The following METTL16 variants were observed in gnomAD, a reference collection of about 807,000 sequenced individuals.
METTL16 encodes RNA N(6)-adenosine-methyltransferase METTL16.
In METTL16, 19 loss-of-function variants were observed where a neutral mutation model predicts 57.9. The observed-to-expected ratio is 0.33, with a 90% CI of 0.23 to 0.48. METTL16 has a LOEUF of 0.48. Among genes scored for constraint, METTL16 ranks in the 20% least tolerant of loss-of-function variants. METTL16 has a pLI of 0.99. For missense variants in METTL16, 434 were observed against 691.5 expected (o/e 0.63, Z 4.18); for synonymous variants, 246 against 255.6 (o/e 0.96, Z 0.36).
chr17:2,417,933 T>C lies in METTL16; in HGVS notation c.*2037A>G, dbSNP rs772481928. On this transcript the variant is annotated 3_prime_UTR_variant, in exon 10 of 10. Coordinates refer to ENST00000263092, the MANE Select transcript of METTL16 (RefSeq NM_024086.4). ...TAAAATTATACCAAGGAAACTAGGTTTGGGCCCAGCAAATGACTCAAATGT... is the reference window on the plus strand; with the variant it reads ...TAAAATTATACCAAGGAAACTAGGTCTGGGCCCAGCAAATGACTCAAATGT... The C allele has an allele frequency of 3.3e-5, 5 of 152,158 alleles. No homozygotes were observed. The highest frequency in any genetic ancestry group is 5.9e-5 in the Non-Finnish European group (4 of 68,022). 9.4% of individuals were successfully genotyped at this position (152,158 alleles called of 1,614,324 possible).
At chr17:2,490,090 A>G (rs2067375183) in intron 2 of METTL16, among the ~76,000 whole-genome samples, 1 of 152,222 alleles carries the variant, frequency 6.6e-6, no homozygotes, top group South Asian at 2.1e-4. Context: ...AAAACAAAAC[A>G]AAAAGACCCT....
At chr17:2,426,457 G>A (rs2066819069) in intron 8 of METTL16, among the ~76,000 whole-genome samples, 1 of 152,088 alleles carries the variant, frequency 6.6e-6, no homozygotes, top group African/African-American at 2.4e-5. Flanking sequence ...GCAGCCGGGT[G>A]CCATGGCTCA....
chr17:2,420,870 G>A lies in METTL16; in HGVS notation c.923C>T (p.Pro308Leu), dbSNP rs1309640178. 9.9e-6 allele frequency: 16 copies of A among 1,613,670 alleles called. No individual in the cohort carries two copies. In the East Asian group the frequency reaches 1.8e-4, roughly 18 times the overall value. ...PPSKRRKLEKPRKPITFVVLA... is the reference protein window; with the variant it reads ...PPSKRRKLEKLRKPITFVVLA... The stretch of plus-strand genomic sequence containing the variant: ...CACCACGAATGTTATGGGTTTTCTC[G>A]GTTTCTCTAATTTTCTTCGCTTACT... The change falls in exon 9 of 10, where the codon CCG (proline) becomes CTG (leucine). Residue 308 changes from proline (P) to leucine (L), a missense_variant. Physicochemically the swap from Pro to Leu is moderately conservative, Grantham distance 98 (BLOSUM62 -3). Around this residue, in one of 5 missense-constraint regions of METTL16, gnomAD observed 96 missense variants for 138.3 expected, o/e 0.69. Transcript: ENST00000263092. The surrounding 1 kb of genome is among the most constrained non-coding windows in gnomAD (Gnocchi z 5.4).
At chr17:2,428,975 C>A (rs1597438656) in intron 8 of METTL16, among the ~76,000 whole-genome samples, 1 of 152,196 alleles carries the variant, frequency 6.6e-6, no homozygotes, top group East Asian at 1.9e-4. Flanking sequence ...TCTCCCGCCT[C>A]AGCCTCCCGA....
intron 6 of METTL16, chr17:2,460,428 A>C (rs1425864259): frequency 6.6e-6 from 1 of 152,216 alleles, no homozygotes; most frequent in Non-Finnish European, 1.5e-5. Flanking sequence ...TCTACCCCTT[A>C]GAATGGTGTT....
At chr17:2,448,773 T>TA (rs1391105641) in intron 6 of METTL16, among the ~76,000 whole-genome samples, 1 of 29,602 alleles carries the variant, frequency 3.4e-5, no homozygotes, top group African/African-American at 1.4e-4. Flanking sequence ...AAATAAAAAA[T>TA]AAAAAAATAA....
chr17:2,429,756 C>T (rs1192944804), intron 8 of METTL16, among the ~76,000 whole-genome samples: 1 of 151,820 alleles, frequency 6.6e-6, no homozygotes, highest in Non-Finnish European at 1.5e-5. Context: ...TCTTGCTCCC[C>T]CTCCCCAATC....
rs769070497 is a variant in METTL16, at chr17:2,464,214, CTTTT to C, written c.718_721del (p.Lys240AspfsTer2). Reference sequence around the variant, plus strand: ...GTTGTAAAAACAGACTTACCTTAATCTTTTTTTAAGTTGTAGACTGTCATGGATG... The same window carrying C: ...GTTGTAAAAACAGACTTACCTTAATCTTTAAGTTGTAGACTGTCATGGATG... On this transcript the variant is annotated frameshift_variant, in exon 6 of 10. Transcript: ENST00000263092. LOFTEE classifies it high-confidence loss of function. 6.2e-7 allele frequency: 1 copy of C among 1,610,094 alleles called. No individual in the cohort carries two copies. The highest frequency in any genetic ancestry group is 8.5e-7 in the Non-Finnish European group (1 of 1,178,816).
chr17:2,473,446 A>G (rs1160378114), intron 4 of METTL16, 78 bp downstream of exon 4: 2 of 1,474,182 alleles, frequency 1.4e-6, no homozygotes, highest in African/African-American at 2.8e-5. Flanking sequence ...GTATTAAAGA[A>G]AAAGGTAATG....
At chr17:2,454,916 CTATT>C (rs949034938) in intron 6 of METTL16, among the ~76,000 whole-genome samples, 11 of 151,392 alleles carry the variant, frequency 7.3e-5, no homozygotes, top group African/African-American at 1.9e-4. Flanking sequence ...ATTTGTTATC[CTATT>C]TATTTATTTA....
chr17:2,500,934 T>C (rs897054014), intron 2 of METTL16, among the ~76,000 whole-genome samples: 6 of 151,740 alleles, frequency 4.0e-5, no homozygotes, highest in Non-Finnish European at 5.9e-5. Context: ...CTGGCCAACA[T>C]GGTGAAACTC....
chr17:2,437,684 TG>T (rs985137581), intron 8 of METTL16, among the ~76,000 whole-genome samples: 7 of 152,314 alleles, frequency 4.6e-5, no homozygotes, highest in Admixed American at 1.3e-4. Flanking sequence ...CCCGAGTAGC[TG>T]GGACTACAGG....
intron 8 of METTL16, among the ~76,000 whole-genome samples, chr17:2,424,923 CG>C (rs1238187476): frequency 6.7e-6 from 1 of 149,890 alleles, no homozygotes; most frequent in African/African-American, 2.5e-5. Flanking sequence ...ACTCCAGCCT[CG>C]GTGACAGAGC....
intron 6 of METTL16, among the ~76,000 whole-genome samples, chr17:2,462,331 G>A (rs2067155713): frequency 6.6e-6 from 1 of 152,196 alleles, no homozygotes; most frequent in Non-Finnish European, 1.5e-5. Flanking sequence ...AGGAAGGAGA[G>A]AATAGGAGGG....
chr17:2,465,875 C>A (rs1261588807), intron 5 of METTL16, among the ~76,000 whole-genome samples: 1 of 149,666 alleles, frequency 6.7e-6, no homozygotes. Flanking sequence ...CCCACACCCC[C>A]CGACCTCAAA....
At chr17:2,465,117 AT>A (rs1199474081) in intron 5 of METTL16, among the ~76,000 whole-genome samples, 1 of 152,232 alleles carries the variant, frequency 6.6e-6, no homozygotes, top group Non-Finnish European at 1.5e-5. Flanking sequence ...ATGAATAAGC[AT>A]TTCTCCAAAG....
chr17:2,491,602 A>G (rs2044169), intron 2 of METTL16, among the ~76,000 whole-genome samples: 97,328 of 151,824 alleles, frequency 0.64, 31,664 homozygotes, highest in East Asian at 0.77. Context: ...TTGGCCGGGC[A>G]CGGTGGCTCA....
At position 2,418,461 on chromosome 17, in the gene METTL16, G is replaced by C. The variant is rs533358083; in HGVS notation, c.*1509C>G. On this transcript the variant is annotated 3_prime_UTR_variant, in exon 10 of 10. Transcript: ENST00000263092. ...CAAAATTAGCCAGGCGTGGTGGCGC[G>C]TGCCTGTAATCCCAGCTACTTGGGA... The C allele has an allele frequency of 1.3e-5, 2 of 152,424 alleles. No homozygotes were observed. Among genetic ancestry groups the C allele is most frequent in the African/African-American group, 4.8e-5 (2 of 41,558 alleles). 9.4% of individuals were successfully genotyped at this position (152,424 alleles called of 1,614,324 possible).
intron 6 of METTL16, 59 bp downstream of exon 6, chr17:2,464,149 T>C (rs2067173046): frequency 3.2e-6 from 5 of 1,542,296 alleles, no homozygotes; most frequent in Non-Finnish European, 3.5e-6. Flanking sequence ...GAGAACTACA[T>C]AGCGGGTAAA....
Sources: gnomAD v4.1 joint callset for allele counts (sites outside exome capture counted in the v4.1 genomes callset) on GRCh38, gnomAD v4.1.1 for gene constraint, gnomAD v4.1.1 regional missense constraint, Gnocchi (gnomAD v3.1) non-coding constraint, MANE v1.5 for transcripts, NCBI Gene and HGNC (gene_info 2026-07-23, HGNC 2026-07-21) for gene names.